MSRA: variants seen among roughly 807,000 people sequenced by gnomAD.
MSRA encodes mitochondrial peptide methionine sulfoxide reductase.
A neutral mutation model predicts 31.3 loss-of-function variants in MSRA; 54 were observed. That is an observed-to-expected ratio of 1.73 (90% CI 1.39 to 2.17). The LOEUF is 2.17. MSRA is among the 30% of genes most tolerant of loss of function. The pLI, the probability that MSRA is intolerant of heterozygous loss-of-function variation, is 0.00. For synonymous variants in MSRA, 169 were observed against 116.5 expected (o/e 1.45, Z -2.90); for missense variants, 507 against 300.9 (o/e 1.69, Z -5.07).
intron 3 of MSRA, among the ~76,000 whole-genome samples, chr8:10,249,846 C>G (rs1585273082): frequency 6.6e-6 from 1 of 152,196 alleles, no homozygotes. Context: ...AGCTCAGCAT[C>G]TGGCTGGCAC....
At chr8:10,297,164 T>C (rs1049086038) in intron 3 of MSRA, among the ~76,000 whole-genome samples, 7 of 152,172 alleles carry the variant, frequency 4.6e-5, no homozygotes, top group African/African-American at 1.7e-4. Flanking sequence ...CTGATTTTCC[T>C]GGCCCCAGGT....
At chr8:10,165,262 A>G (rs933249471) in intron 1 of MSRA, among the ~76,000 whole-genome samples, 6 of 152,320 alleles carry the variant, frequency 3.9e-5, no homozygotes, top group African/African-American at 1.4e-4. Flanking sequence ...CCTTTGTTTT[A>G]CATTAAATTT....
chr8:10,305,480 C>G (rs1465689779), intron 4 of MSRA, among the ~76,000 whole-genome samples: 1 of 140,416 alleles, frequency 7.1e-6, no homozygotes. Context: ...GTGGTGTGAT[C>G]TTGGCTCACT....
intron 1 of MSRA, among the ~76,000 whole-genome samples, chr8:10,074,265 G>T (rs1017066105): frequency 6.6e-5 from 10 of 151,466 alleles, no homozygotes; most frequent in African/African-American, 2.2e-4. Context: ...TGTATTTTTA[G>T]TAGAGATGGG....
chr8:10,190,916 GTAGTGAGAC>G (rs144073155), intron 1 of MSRA, among the ~76,000 whole-genome samples: 3,844 of 152,296 alleles, frequency 0.025, 69 homozygotes, highest in Non-Finnish European at 0.035. Context: ...AGACCAGAGT[GTAGTGAGAC>G]TAAGTTCAGG....
At chr8:10,238,509 G>A (rs1440320228) in intron 2 of MSRA, among the ~76,000 whole-genome samples, 7 of 152,080 alleles carry the variant, frequency 4.6e-5, no homozygotes, top group Admixed American at 3.3e-4. Context: ...CATATAGTAG[G>A]CACTGAAAAA....
At position 10,074,058 on chromosome 8, in the gene MSRA, CTTTTTTTTTTTTTTTTTTTT is replaced by C. The variant is rs534642712; in HGVS notation, c.142+19421_142+19440del. On this transcript the variant is annotated intron_variant, in intron 1 of 5. Transcript: ENST00000317173. ...CATTTTGTTTTGTCTAAGGGAGGTG[CTTTTTTTTTTTTTTTTTTTT>C]TTTTTTTTTTTTTTTTTTTTATTAA... is the stretch of plus-strand genomic sequence containing the variant. Among the ~76,000 whole-genome samples, 14 of 29,456 alleles carry C rather than the reference CTTTTTTTTTTTTTTTTTTTT, an allele frequency of 4.8e-4. No individual in the cohort carries two copies. In the East Asian group the frequency reaches 6.8e-3, roughly 14 times the overall value. The allele number at this position is 29,456 out of a possible 152,430, so 19.3% of individuals were successfully genotyped here.
In MSRA at chr8:10,239,620, C is replaced by T. The variant is rs1812237524; in HGVS notation, c.212-5484C>T. On this transcript the variant is annotated intron_variant, in intron 2 of 5. Transcript: ENST00000317173. ...CCTACTTGTCCCTGTAGCAGTGATC[C>T]CAGAGTGCCCAGGCAATAGCTGTAT... is the stretch of plus-strand genomic sequence containing the variant. Among the ~76,000 whole-genome samples the T allele has an allele frequency of 1.3e-5, 2 of 152,198 alleles. 1 individual carries two copies. The highest frequency in any genetic ancestry group is 4.1e-4 in the South Asian group (2 of 4,826).
At chr8:10,311,299 G>A (rs538457795) in intron 4 of MSRA, among the ~76,000 whole-genome samples, 1 of 152,266 alleles carries the variant, frequency 6.6e-6, no homozygotes, top group East Asian at 1.9e-4. Context: ...TAAAATGGAA[G>A]GCAACACAGG....
At chr8:10,277,167 A>G (rs1179655118) in intron 3 of MSRA, among the ~76,000 whole-genome samples, 1 of 152,242 alleles carries the variant, frequency 6.6e-6, no homozygotes, top group Non-Finnish European at 1.5e-5. Flanking sequence ...CAATGACATT[A>G]TTCTTATAAA....
chr8:10,156,442 C>CAT (rs377464080), intron 1 of MSRA, among the ~76,000 whole-genome samples: 3,899 of 151,782 alleles, frequency 0.026, 161 homozygotes, highest in African/African-American at 0.088. Flanking sequence ...TGTGTGTGTA[C>CAT]GTGTGTGTAT....
At chr8:10,311,516 G>A (rs1801430958) in intron 4 of MSRA, among the ~76,000 whole-genome samples, 1 of 152,088 alleles carries the variant, frequency 6.6e-6, no homozygotes, top group Non-Finnish European at 1.5e-5. Flanking sequence ...CATATTCCAG[G>A]CCATAAAAGG....
chr8:10,236,456 A>T (rs761624102), intron 2 of MSRA, among the ~76,000 whole-genome samples: 3 of 152,194 alleles, frequency 2.0e-5, no homozygotes, highest in South Asian at 2.1e-4. Flanking sequence ...CACCAGCACT[A>T]AGTAATCAAA....
intron 2 of MSRA, among the ~76,000 whole-genome samples, chr8:10,242,144 G>T (rs569025933): frequency 1.3e-5 from 2 of 151,992 alleles, no homozygotes; most frequent in Non-Finnish European, 2.9e-5. Context: ...GGTAGTACGC[G>T]CTTGTAATCT....
intron 1 of MSRA, among the ~76,000 whole-genome samples, chr8:10,198,508 A>G (rs1207804828): frequency 6.6e-6 from 1 of 152,162 alleles, no homozygotes; most frequent in Non-Finnish European, 1.5e-5. Flanking sequence ...TCTGTATTTT[A>G]AACAGTTCTG....
chr8:10,245,964 T>C (rs577891870), intron 3 of MSRA, among the ~76,000 whole-genome samples: 50 of 152,286 alleles, frequency 3.3e-4, no homozygotes, highest in South Asian at 6.2e-4. Context: ...GTGTTTTCTG[T>C]AAGGAAAAAC....
intron 1 of MSRA, among the ~76,000 whole-genome samples, chr8:10,103,429 C>T (rs898935002): frequency 2.6e-5 from 4 of 152,180 alleles, no homozygotes; most frequent in African/African-American, 4.8e-5. Flanking sequence ...CCCAGTTTTG[C>T]ATCACTTACT....
At chr8:10,357,195 C>A (rs1298991610) in intron 5 of MSRA, among the ~76,000 whole-genome samples, 1 of 152,188 alleles carries the variant, frequency 6.6e-6, no homozygotes, top group Admixed American at 6.5e-5. Context: ...AAATCCATTG[C>A]TTTACTGAGA....
chr8:10,402,473 C>T (rs1370643642), intron 5 of MSRA, among the ~76,000 whole-genome samples: 2 of 152,202 alleles, frequency 1.3e-5, no homozygotes, highest in South Asian at 2.1e-4. Context: ...GAGAGGGGAG[C>T]CCTGAGGCTG....
Sources: gnomAD v4.1 joint callset for allele counts (sites outside exome capture counted in the v4.1 genomes callset) on GRCh38, gnomAD v4.1.1 for gene constraint, MANE v1.5 for transcripts, NCBI Gene and HGNC (gene_info 2026-07-23, HGNC 2026-07-21) for gene names.